The following AK8 variants were observed in gnomAD, a reference collection of about 807,000 sequenced individuals.
AK8 encodes the protein ATP-AMP transphosphorylase 8.
In AK8, 44 loss-of-function variants were observed where a neutral mutation model predicts 54.6. That is an observed-to-expected ratio of 0.81 (90% CI 0.63 to 1.04). AK8 has a LOEUF of 1.04. AK8 is among the 50% of genes least tolerant of loss of function. The pLI, the probability that AK8 is intolerant of heterozygous loss-of-function variation, is 0.00. For synonymous variants in AK8, 239 were observed against 245.6 expected (o/e 0.97, Z 0.25); for missense variants, 555 against 613.6 (o/e 0.90, Z 1.01).
At chr9:132,855,745 T>C (rs1843150098) in intron 4 of AK8, among the ~76,000 whole-genome samples, 1 of 152,238 alleles carries the variant, frequency 6.6e-6, no homozygotes, top group African/African-American at 2.4e-5. Context: ...TGCCAGGCAC[T>C]GGGCCAAGCA....
In AK8 at chr9:132,814,625, G is replaced by A; in HGVS notation, c.979+13C>T. 6.2e-7 allele frequency: 1 copy of A among 1,612,998 alleles called. No individual in the cohort carries two copies. Among genetic ancestry groups the A allele is most frequent in the Non-Finnish European group, 8.5e-7 (1 of 1,179,292 alleles). ...CCTGTAAGGTCATGACAGTTAGTGG[G>A]AACGTGGCCTACCTGCCATCTCCTT... On this transcript the variant is annotated intron_variant, in intron 10 of 12. Coordinates refer to ENST00000298545, the MANE Select transcript of AK8 (RefSeq NM_152572.3).
chr9:132,848,858 A>C (rs1281183582), intron 5 of AK8, among the ~76,000 whole-genome samples: 1 of 151,506 alleles, frequency 6.6e-6, no homozygotes, highest in Non-Finnish European at 1.5e-5. Flanking sequence ...ACTTAGTTAA[A>C]ATGAAAGTCT....
intron 5 of AK8, among the ~76,000 whole-genome samples, chr9:132,849,623 C>T (rs1314814802): frequency 6.6e-6 from 1 of 152,150 alleles, no homozygotes; most frequent in Non-Finnish European, 1.5e-5. Flanking sequence ...GCCAGTGTTG[C>T]AGCCCGGCCG....
At chr9:132,727,709 C>T in intron 11 of AK8, 175 bp from the exon 12 acceptor site, 3 of 514,788 alleles carry the variant, frequency 5.8e-6, no homozygotes, top group Admixed American at 7.5e-5. Flanking sequence ...CCCAACCACT[C>T]CAGAGCCTGT....
rs200457695 is a variant in AK8, at chr9:132,828,001, C to G, written c.556+12G>C. 1 of 1,557,320 alleles carries G rather than the reference C, an allele frequency of 6.4e-7. No homozygotes were observed. Among genetic ancestry groups the G allele is most frequent in the East Asian group, 2.4e-5 (1 of 41,768 alleles). On this transcript the variant is annotated intron_variant, in intron 7 of 12. Transcript: ENST00000298545. ...ACCCCATGGGGCTGGGTGGGGGTGG[C>G]CGTAGCCATACCTCCAGTTTGAGGG... is the stretch of plus-strand genomic sequence containing the variant.
chr9:132,830,823 G>A (rs879409977), intron 5 of AK8, among the ~76,000 whole-genome samples: 3 of 152,178 alleles, frequency 2.0e-5, no homozygotes, highest in Admixed American at 6.5e-5. Context: ...TTCTGGCATT[G>A]TGTGGATGCA....
intron 11 of AK8, among the ~76,000 whole-genome samples, chr9:132,729,904 G>A (rs890612554): frequency 3.3e-5 from 5 of 152,166 alleles, no homozygotes; most frequent in African/African-American, 1.2e-4. Flanking sequence ...ACACAAATGA[G>A]ACCTCCCTCC....
chr9:132,851,059 G>A (rs1171319272), intron 5 of AK8, among the ~76,000 whole-genome samples: 1 of 152,176 alleles, frequency 6.6e-6, no homozygotes, highest in African/African-American at 2.4e-5. Flanking sequence ...GCAAGTTGGG[G>A]GAAAAGACTA....
chr9:132,818,109 T>C (rs1320817170), intron 9 of AK8, among the ~76,000 whole-genome samples: 1 of 152,238 alleles, frequency 6.6e-6, no homozygotes, highest in African/African-American at 2.4e-5. Context: ...GATTTCTATA[T>C]GCAGCCAAAA....
At chr9:132,750,011 TACTG>T (rs1814607014) in intron 11 of AK8, among the ~76,000 whole-genome samples, 1 of 151,440 alleles carries the variant, frequency 6.6e-6, no homozygotes, top group South Asian at 2.1e-4. Flanking sequence ...CTCTTGGAGA[TACTG>T]ACAGCACACT....
chr9:132,768,576 T>C (rs1838820557), intron 11 of AK8, among the ~76,000 whole-genome samples: 2 of 152,234 alleles, frequency 1.3e-5, no homozygotes, highest in Non-Finnish European at 2.9e-5. Context: ...AACTTTTTAA[T>C]TGTTTATGCC....
At chr9:132,857,196 T>C (rs544935421) in intron 4 of AK8, among the ~76,000 whole-genome samples, 106 of 152,312 alleles carry the variant, frequency 7.0e-4, no homozygotes, top group African/African-American at 2.3e-3. Flanking sequence ...TGCAACAGAA[T>C]GCTGGCAGAG....
intron 4 of AK8, 39 bp downstream of exon 4, chr9:132,863,626 C>T: frequency 6.9e-7 from 1 of 1,450,590 alleles, no homozygotes; most frequent in Admixed American, 1.7e-5. Context: ...GTGGGCACTG[C>T]TGCTGTGTGC....
At chr9:132,861,205 G>A (rs1031957487) in intron 4 of AK8, among the ~76,000 whole-genome samples, 1 of 152,172 alleles carries the variant, frequency 6.6e-6, no homozygotes, top group African/African-American at 2.4e-5. Flanking sequence ...ATTCCAGACC[G>A]TTCCATGCCT....
At position 132,877,944 on chromosome 9, in the gene AK8, C is replaced by T. The variant is rs769888276; in HGVS notation, c.84+228G>A. 4.4e-6 allele frequency: 5 copies of T among 1,129,854 alleles called. No individual in the cohort carries two copies. In the South Asian group the frequency reaches 5.3e-5, roughly 12 times the overall value. 70.0% of individuals were successfully genotyped at this position (1,129,854 alleles called of 1,614,324 possible). A position where few individuals can be genotyped will look rare whatever the true frequency, so the allele number is the denominator to read the frequency against. ...ACCAAATCCCGGCTCGAGTGGCCCC[C>T]TTCCTCCCCCTGGGTCCGCCTGAGG... On this transcript the variant is annotated intron_variant, in intron 1 of 12. Transcript: ENST00000298545.
intron 11 of AK8, among the ~76,000 whole-genome samples, chr9:132,789,872 C>T (rs1260218280): frequency 2.0e-5 from 3 of 152,114 alleles, no homozygotes; most frequent in African/African-American, 7.2e-5. Context: ...CAGGAGGAAA[C>T]TCTGCTTTTA....
At chr9:132,731,881 C>CA (rs1440162884) in intron 11 of AK8, among the ~76,000 whole-genome samples, 4 of 152,086 alleles carry the variant, frequency 2.6e-5, no homozygotes, top group African/African-American at 9.7e-5. Flanking sequence ...AAAAACAAAA[C>CA]AAAAAACAAA....
chr9:132,878,325 C>T (rs1844249271), upstream of AK8: 1 of 1,305,714 alleles, frequency 7.7e-7, no homozygotes, highest in Non-Finnish European at 9.8e-7. This position sits in a 1 kb window ranked among gnomAD's most constrained non-coding sequence, Gnocchi z 4.7. Flanking sequence ...GCGTCATCAG[C>T]ACGCGCCGCG....
At chr9:132,779,082 G>T in intron 11 of AK8, among the ~76,000 whole-genome samples, 1 of 152,114 alleles carries the variant, frequency 6.6e-6, no homozygotes, top group East Asian at 1.9e-4. Context: ...AGGAAAGCAA[G>T]CAGGTCACCA....
Sources: gnomAD v4.1 joint callset for allele counts (sites outside exome capture counted in the v4.1 genomes callset) on GRCh38, gnomAD v4.1.1 for gene constraint, Gnocchi (gnomAD v3.1) non-coding constraint, MANE v1.5 for transcripts, NCBI Gene and HGNC (gene_info 2026-07-23, HGNC 2026-07-21) for gene names.